The following RMST variants were observed in gnomAD, a reference collection of about 807,000 sequenced individuals.
RMST encodes the protein long intergenic non-protein coding RNA 54.
At chr12:97,524,469 T>C (rs1040176911) in intron 10 of RMST, among the ~76,000 whole-genome samples, 2 of 152,180 alleles carry the variant, frequency 1.3e-5, no homozygotes, top group South Asian at 2.1e-4. Flanking sequence ...AGAGCTGTGA[T>C]TGGCCACCTA....
intron 11 of RMST, among the ~76,000 whole-genome samples, chr12:97,545,202 AACAATCATCATC>A (rs1280376647): frequency 6.6e-6 from 1 of 152,072 alleles, no homozygotes; most frequent in Non-Finnish European, 1.5e-5. Context: ...CTCAACTAGC[AACAATCATCATC>A]ACCATCATCA....
At chr12:97,474,354 T>C (rs1000743971) in intron 5 of RMST, among the ~76,000 whole-genome samples, 14 of 152,130 alleles carry the variant, frequency 9.2e-5, no homozygotes, top group African/African-American at 3.1e-4. Flanking sequence ...TGAATGCCTT[T>C]CGTGCTCCCA....
At chr12:97,472,227 A>G (rs1449836075) in intron 5 of RMST, among the ~76,000 whole-genome samples, 1 of 152,146 alleles carries the variant, frequency 6.6e-6, no homozygotes, top group Non-Finnish European at 1.5e-5. Flanking sequence ...AATTTTAAAA[A>G]ATATTGAGAA....
chr12:97,550,415 A>T (rs1334938391), intron 11 of RMST, among the ~76,000 whole-genome samples: 1 of 152,260 alleles, frequency 6.6e-6, no homozygotes. Flanking sequence ...AAATAAATGA[A>T]TAATAAAAAT....
At chr12:97,521,783 C>T (rs1258129751) in intron 10 of RMST, among the ~76,000 whole-genome samples, 3 of 152,118 alleles carry the variant, frequency 2.0e-5, no homozygotes, top group African/African-American at 7.2e-5. Flanking sequence ...TTTTACCCCC[C>T]AATATTCAGT....
At chr12:97,484,297 A>C (rs1220402940) in intron 5 of RMST, among the ~76,000 whole-genome samples, 1 of 152,170 alleles carries the variant, frequency 6.6e-6, no homozygotes, top group Non-Finnish European at 1.5e-5. Context: ...TTTCAAGTAG[A>C]CAGTTCAGAT....
At chr12:97,491,934 T>A in intron 5 of RMST, 1 of 533,620 alleles carries the variant, frequency 1.9e-6, no homozygotes, top group Non-Finnish European at 3.9e-6. Context: ...CAAAGGCGCT[T>A]CTCCTTCTGA....
At chr12:97,550,637 A>G (rs11109105) in intron 11 of RMST, among the ~76,000 whole-genome samples, 9,880 of 152,172 alleles carry the variant, frequency 0.065, 452 homozygotes, top group East Asian at 0.19. Context: ...TGGCTCCATA[A>G]GATAAAATAT....
chr12:97,528,524 T>G (rs1393145619), intron 10 of RMST, among the ~76,000 whole-genome samples: 1 of 152,180 alleles, frequency 6.6e-6, no homozygotes, highest in Non-Finnish European at 1.5e-5. Flanking sequence ...TGACTCATTC[T>G]AACTCCCTGA....
intron 10 of RMST, among the ~76,000 whole-genome samples, chr12:97,513,421 A>G (rs1592716417): frequency 6.6e-6 from 1 of 152,224 alleles, no homozygotes. Flanking sequence ...TAATGGACTG[A>G]TTTATTCCTA....
chr12:97,547,136 G>A (rs1179959046), intron 11 of RMST, among the ~76,000 whole-genome samples: 2 of 150,656 alleles, frequency 1.3e-5, no homozygotes, highest in African/African-American at 4.9e-5. Context: ...GTCAACTGGA[G>A]GATGACCTCC....
chr12:97,465,347 T>C (rs1354225293), intron 4 of RMST, among the ~76,000 whole-genome samples: 1 of 152,188 alleles, frequency 6.6e-6, no homozygotes, highest in Non-Finnish European at 1.5e-5. Context: ...AGTCTGTTTG[T>C]GTGCTACTTA....
intron 5 of RMST, among the ~76,000 whole-genome samples, chr12:97,491,474 G>A (rs1876805365): frequency 1.3e-5 from 2 of 152,142 alleles, no homozygotes; most frequent in South Asian, 4.1e-4. Context: ...CCTCCAAAAT[G>A]TTGATTACCT....
At chr12:97,511,819 A>C (rs1422467932) in intron 10 of RMST, among the ~76,000 whole-genome samples, 3 of 152,218 alleles carry the variant, frequency 2.0e-5, no homozygotes, top group Non-Finnish European at 2.9e-5. Context: ...ATTAAGTCTC[A>C]TAGGCTAACT....
At chr12:97,546,662 GA>G (rs1379236683) in intron 11 of RMST, among the ~76,000 whole-genome samples, 2 of 151,708 alleles carry the variant, frequency 1.3e-5, no homozygotes, top group East Asian at 1.9e-4. Context: ...AGTGGAAGGT[GA>G]AAAAAAATTC....
chr12:97,480,062 TTTTTC>T (rs946047049), intron 5 of RMST, among the ~76,000 whole-genome samples: 138 of 151,438 alleles, frequency 9.1e-4, no homozygotes, highest in Admixed American at 2.4e-3. Flanking sequence ...GAACTGCTAA[TTTTTC>T]TTTTCTTTTC....
At chr12:97,480,244 C>A (rs1411819903) in intron 5 of RMST, among the ~76,000 whole-genome samples, 3 of 151,972 alleles carry the variant, frequency 2.0e-5, no homozygotes, top group African/African-American at 7.2e-5. Flanking sequence ...CGCCCACCAC[C>A]ACGCCTGGCT....
chr12:97,478,643 A>C (rs1371970261), intron 5 of RMST, among the ~76,000 whole-genome samples: 1 of 152,182 alleles, frequency 6.6e-6, no homozygotes, highest in East Asian at 1.9e-4. Context: ...TGGATGTTTC[A>C]TAGTGTGCCC....
intron 10 of RMST, among the ~76,000 whole-genome samples, chr12:97,498,880 G>A (rs1877758361): frequency 1.3e-5 from 2 of 152,128 alleles, no homozygotes; most frequent in African/African-American, 4.8e-5. Flanking sequence ...TTTTATTAAG[G>A]GTCAGATACT....
Sources: gnomAD v4.1 joint callset for allele counts (sites outside exome capture counted in the v4.1 genomes callset) on GRCh38, gnomAD v4.1.1 for gene constraint, MANE v1.5 for transcripts, NCBI Gene and HGNC (gene_info 2026-07-23, HGNC 2026-07-21) for gene names.